Variants in KCNK13 observed in about 807,000 individuals in gnomAD.
The protein encoded by KCNK13 is potassium two pore domain channel subfamily K member 13.
KCNK13 carries 12 observed loss-of-function variants against 23.4 expected under a neutral mutation model. The observed-to-expected ratio is 0.51, with a 90% CI of 0.33 to 0.83. The LOEUF (loss-of-function observed/expected upper bound fraction) is 0.83. KCNK13 is among the 40% of genes least tolerant of loss of function. The pLI is 0.02. For missense variants in KCNK13, 463 were observed against 556.3 expected, an observed-to-expected ratio of 0.83 and a Z score of 1.69; for synonymous variants, 231 against 229.5, an observed-to-expected ratio of 1.01 and a Z score of -0.06.
At chr14:90,181,162 GC>G (rs1160889044) in intron 1 of KCNK13, among the ~76,000 whole-genome samples, 1 of 152,158 alleles carries the variant, frequency 6.6e-6, no homozygotes, top group Admixed American at 6.5e-5. Flanking sequence ...GCCCACTGTG[GC>G]TTGTTTTGTA....
chr14:90,143,271 G>A (rs1174457134), intron 1 of KCNK13, among the ~76,000 whole-genome samples: 1 of 147,348 alleles, frequency 6.8e-6, no homozygotes, highest in Non-Finnish European at 1.5e-5. Context: ...GCGGTAGCGT[G>A]ATCTCGGCTG....
intron 1 of KCNK13, among the ~76,000 whole-genome samples, chr14:90,159,383 C>G (rs1014372793): frequency 6.6e-6 from 1 of 152,222 alleles, no homozygotes; most frequent in African/African-American, 2.4e-5. Flanking sequence ...CCTGCCTGTC[C>G]TCTCTTTCCA....
rs1046364552 is a variant in KCNK13 at position 90,078,440 on chromosome 14, AAAAG to A, written c.334+15907_334+15910del. The stretch of plus-strand genomic sequence containing the variant: ...CTCAAAAAAAAAAAAAGAAAGAAAA[AAAAG>A]AAAGAGAGGAAGGAAGGAAGGAGGG... On this transcript the variant is annotated intron_variant, in intron 1 of 1. Transcript: ENST00000282146. 2.3e-4 allele frequency among the ~76,000 whole-genome samples: 35 copies of A among 151,670 alleles called. 2 individuals carry two copies. Among genetic ancestry groups the A allele is most frequent in the Non-Finnish European group, 4.4e-4 (30 of 67,906 alleles).
At chr14:90,083,465 G>T (rs55678139) in intron 1 of KCNK13, among the ~76,000 whole-genome samples, 28,819 of 152,126 alleles carry the variant, frequency 0.19, 2,773 homozygotes, top group Middle Eastern at 0.24. Flanking sequence ...TGAAACATGG[G>T]TCTGCTGTGG....
chr14:90,174,481 T>A (rs1890400651), intron 1 of KCNK13, among the ~76,000 whole-genome samples: 1 of 152,144 alleles, frequency 6.6e-6, no homozygotes, highest in Non-Finnish European at 1.5e-5. Context: ...GGGTGGGGAC[T>A]CAGAGCCAAA....
intron 1 of KCNK13, among the ~76,000 whole-genome samples, chr14:90,106,236 T>G (rs1299263523): frequency 1.3e-5 from 2 of 152,164 alleles, no homozygotes; most frequent in Non-Finnish European, 2.9e-5. Flanking sequence ...CATTTTGACA[T>G]ACTCTACCAT....
intron 1 of KCNK13, among the ~76,000 whole-genome samples, chr14:90,069,352 A>G (rs1009771762): frequency 2.0e-5 from 3 of 151,936 alleles, no homozygotes; most frequent in Non-Finnish European, 4.4e-5. Flanking sequence ...TTTTTATTAA[A>G]CAGAGATAAT....
At chr14:90,136,357 G>A (rs75906025) in intron 1 of KCNK13, among the ~76,000 whole-genome samples, 15,059 of 152,008 alleles carry the variant, frequency 0.099, 1,062 homozygotes, top group Admixed American at 0.25. Context: ...ACTGAGGTCC[G>A]GTGCCTGGGG....
At chr14:90,122,320 AT>A (rs34511761) in intron 1 of KCNK13, among the ~76,000 whole-genome samples, 63,840 of 144,140 alleles carry the variant, frequency 0.44, 13,713 homozygotes, top group African/African-American at 0.51. Context: ...TTCACCCATA[AT>A]TTTTTTTTTT....
intron 1 of KCNK13, among the ~76,000 whole-genome samples, chr14:90,091,084 G>T (rs575323117): frequency 6.6e-6 from 1 of 152,168 alleles, no homozygotes; most frequent in Non-Finnish European, 1.5e-5. Flanking sequence ...CTCAAGTGCC[G>T]AGGTTCCTCT....
At chr14:90,177,716 T>C (rs903008237) in intron 1 of KCNK13, among the ~76,000 whole-genome samples, 1 of 152,124 alleles carries the variant, frequency 6.6e-6, no homozygotes, top group Non-Finnish European at 1.5e-5. Flanking sequence ...GCTGACATGG[T>C]GATGGGGCCA....
chr14:90,133,546 A>G (rs1889899687), intron 1 of KCNK13, among the ~76,000 whole-genome samples: 1 of 151,576 alleles, frequency 6.6e-6, no homozygotes, highest in Non-Finnish European at 1.5e-5. Context: ...TGTGAATTAT[A>G]TCTCAATAAA....
In KCNK13 at chr14:90,173,492, C is replaced by T. The variant is rs192673081; in HGVS notation, c.335-10619C>T. On this transcript the variant is annotated intron_variant, in intron 1 of 1. Transcript: ENST00000282146. ...CAATTGCATTCATAAGTGTATGTAT[C>T]CAAGAGAAATATGTACATATGGTCA... Among the ~76,000 whole-genome samples, 483 of 152,202 alleles carry T rather than the reference C, an allele frequency of 3.2e-3. 3 individuals carry two copies. Among genetic ancestry groups the T allele is most frequent in the Non-Finnish European group, 5.5e-3 (377 of 68,014 alleles).
At chr14:90,158,353 C>T (rs1476939578) in intron 1 of KCNK13, among the ~76,000 whole-genome samples, 1 of 152,156 alleles carries the variant, frequency 6.6e-6, no homozygotes, top group Non-Finnish European at 1.5e-5. Context: ...GGTGGAAGAA[C>T]AAAGATTATT....
At position 90,093,915 on chromosome 14, in the gene KCNK13, T is replaced by C. The variant is rs138775171; in HGVS notation, c.334+31376T>C. ...AGTGCCTAGCATTTGGTAATACTGA[T>C]TTATTATATAATTGACTTGCCATAT... is the stretch of plus-strand genomic sequence containing the variant. On this transcript the variant is annotated intron_variant, in intron 1 of 1. Transcript: ENST00000282146. 2.8e-3 allele frequency among the ~76,000 whole-genome samples: 420 copies of C among 152,348 alleles called. 3 individuals carry two copies. The highest frequency in any genetic ancestry group is 9.7e-3 in the African/African-American group (403 of 41,586).
chr14:90,116,352 A>T (rs1188776550), intron 1 of KCNK13, among the ~76,000 whole-genome samples: 4 of 152,186 alleles, frequency 2.6e-5, no homozygotes, highest in African/African-American at 7.2e-5. Flanking sequence ...TCTCGGCATT[A>T]TGGGGGCAAA....
chr14:90,102,612 C>T (rs904714395), intron 1 of KCNK13, among the ~76,000 whole-genome samples: 18 of 152,122 alleles, frequency 1.2e-4, no homozygotes, highest in African/African-American at 3.9e-4. Flanking sequence ...CTATGAAATT[C>T]CTCCCATTAT....
chr14:90,135,614 T>C (rs866777146), intron 1 of KCNK13, among the ~76,000 whole-genome samples: 2 of 152,144 alleles, frequency 1.3e-5, no homozygotes, highest in South Asian at 4.1e-4. Context: ...TGTAATGTCA[T>C]TGGCAGGATG....
At position 90,123,809 on chromosome 14, in the gene KCNK13, A is replaced by G. The variant is rs954718587; in HGVS notation, c.335-60302A>G. 1.1e-4 allele frequency among the ~76,000 whole-genome samples: 16 copies of G among 152,106 alleles called. No individual in the cohort carries two copies. The Middle Eastern group carries it at 0.014, about 129-fold the overall frequency. ...ACCACACCTGGCTAATTAAAAGAAA[A>G]ATTTCTGTAGAGATGCGGTCTCACT... On this transcript the variant is annotated intron_variant, in intron 1 of 1. Transcript: ENST00000282146.
Sources: gnomAD v4.1 joint callset for allele counts (sites outside exome capture counted in the v4.1 genomes callset) on GRCh38, gnomAD v4.1.1 for gene constraint, MANE v1.5 for transcripts, NCBI Gene and HGNC (gene_info 2026-07-23, HGNC 2026-07-21) for gene names.